The following CKS1B variants were observed in gnomAD, a reference collection of about 807,000 sequenced individuals.
CKS1B encodes cyclin-dependent kinases regulatory subunit 1.
Under a neutral mutation model 12.2 loss-of-function variants are expected in CKS1B, and 5 were observed. That is an observed-to-expected ratio of 0.41 (90% confidence interval 0.21 to 0.86). The LOEUF is 0.86. Ranked by LOEUF, CKS1B falls within the 40% of genes least tolerant of loss-of-function variation. CKS1B has a pLI of 0.32. For missense variants in CKS1B, 53 were observed against 99.9 expected (o/e 0.53, Z 2.00); for synonymous variants, 24 against 34.4 (o/e 0.70, Z 1.06).
At position 154,978,655 on chromosome 1, in the gene CKS1B, A is replaced by G. The variant is rs76873819; in HGVS notation, c.188-70A>G. The G allele has an allele frequency of 8.7e-4, 1,090 of 1,254,786 alleles. 20 individuals are homozygous for G. The East Asian group carries it at 0.024, about 27-fold the overall frequency. 77.7% of individuals were successfully genotyped at this position (1,254,786 alleles called of 1,614,324 possible). On this transcript the variant is annotated intron_variant, in intron 2 of 2. Transcript: ENST00000308987. ...AGTGGGTGATAGCTGGGGAGGTGGTAGTGGAATACACTATAGGTTGTACAT... is the reference window on the plus strand; with the variant it reads ...AGTGGGTGATAGCTGGGGAGGTGGTGGTGGAATACACTATAGGTTGTACAT...
At chr1:154,977,684 C>T (rs1232043636) in intron 1 of CKS1B, 1 of 284,686 alleles carries the variant, frequency 3.5e-6, no homozygotes, top group Non-Finnish European at 6.6e-6. Context: ...CTCCGTGGGG[C>T]TCCCATTATG....
chr1:154,978,484 G>A lies in CKS1B; in HGVS notation c.188-241G>A, dbSNP rs1200238933. 7.2e-6 allele frequency: 4 copies of A among 558,496 alleles called. No homozygotes were observed. In the Admixed American group the frequency reaches 1.0e-4, roughly 14 times the overall value. 34.6% of individuals were successfully genotyped at this position (558,496 alleles called of 1,614,324 possible). Reference sequence around the variant, plus strand: ...TAAGACACCAGACACCCAGCTGCCAGGCAAAACTAATAAGGGACACCCTGG... The same window carrying A: ...TAAGACACCAGACACCCAGCTGCCAAGCAAAACTAATAAGGGACACCCTGG... On this transcript the variant is annotated intron_variant, in intron 2 of 2. Transcript: ENST00000308987.
rs1657167354 is a variant in CKS1B, at chr1:154,975,909, A to C, written c.59+1105A>C. The C allele has an allele frequency of 1.9e-5, 3 of 154,398 alleles. No homozygotes were observed. The Admixed American group carries it at 2.0e-4, about 10-fold the overall frequency. The allele number at this position is 154,398 out of a possible 1,614,324, so 9.6% of individuals were successfully genotyped here. A position where few individuals can be genotyped will look rare whatever the true frequency, so the allele number is the denominator to read the frequency against. ...AGGGACAGAAAGAGGGGAACAACAG[A>C]CATTGGGGCCTGCTTGAGGGAGGAG... On this transcript the variant is annotated intron_variant, in intron 1 of 2. Coordinates refer to ENST00000308987, the MANE Select transcript of CKS1B (RefSeq NM_001826.3).
intron 1 of CKS1B, chr1:154,977,492 T>C (rs1017152952): frequency 9.2e-5 from 14 of 152,820 alleles, no homozygotes; most frequent in African/African-American, 3.4e-4. Flanking sequence ...ATGACCCTCC[T>C]GCCTCAGCCT....
rs559508078 is a variant in CKS1B at position 154,976,172 on chromosome 1, T to C, written c.59+1368T>C. On this transcript the variant is annotated intron_variant, in intron 1 of 2. Coordinates refer to ENST00000308987, the MANE Select transcript of CKS1B (RefSeq NM_001826.3). ...GAGATGAGACTCTAAGAAAAAGGTA[T>C]GTGGGAGGAAGCACCTCTTGACTGA... is the stretch of plus-strand genomic sequence containing the variant. Among the ~76,000 whole-genome samples the C allele has an allele frequency of 9.2e-5, 14 of 152,248 alleles. No homozygotes were observed. In the East Asian group the frequency reaches 2.1e-3, roughly 23 times the overall value.
chr1:154,978,910 A>T lies in CKS1B; in HGVS notation c.*133A>T. ...TAAAAGATGTTCAATACACTGTTTGAATGTGCTGGTAACTGCTTTGCTTCT... is the reference window on the plus strand; with the variant it reads ...TAAAAGATGTTCAATACACTGTTTGTATGTGCTGGTAACTGCTTTGCTTCT... On this transcript the variant is annotated 3_prime_UTR_variant, in exon 3 of 3. Coordinates refer to ENST00000308987, the MANE Select transcript of CKS1B (RefSeq NM_001826.3). 1 of 657,876 alleles carries T rather than the reference A, an allele frequency of 1.5e-6. No homozygotes were observed. Among genetic ancestry groups the T allele is most frequent in the Non-Finnish European group, 2.7e-6 (1 of 370,980 alleles). 40.8% of individuals were successfully genotyped at this position (657,876 alleles called of 1,614,324 possible). A position where few individuals can be genotyped will look rare whatever the true frequency, so the allele number is the denominator to read the frequency against.
chr1:154,978,192 T>C (rs750417117), intron 2 of CKS1B, 78 bp downstream of exon 2: 1 of 1,382,886 alleles, frequency 7.2e-7, no homozygotes, highest in South Asian at 1.6e-5. Context: ...ATAACCCAAA[T>C]AGGGAGATAG....
chr1:154,974,899 C>G (rs1216142454), intron 1 of CKS1B, 95 bp downstream of exon 1: 2 of 1,613,948 alleles, frequency 1.2e-6, no homozygotes, highest in Admixed American at 3.3e-5. Flanking sequence ...ATAGAATTGG[C>G]GCATGCGTAC....
rs1410289105 is a variant in CKS1B at position 154,978,902 on chromosome 1, A to G, written c.*125A>G. 1 of 679,798 alleles carries G rather than the reference A, an allele frequency of 1.5e-6. No homozygotes were observed. The highest frequency in any genetic ancestry group is 2.6e-6 in the Non-Finnish European group (1 of 386,362). 42.1% of individuals were successfully genotyped at this position (679,798 alleles called of 1,614,324 possible). The stretch of plus-strand genomic sequence containing the variant: ...TTGATATTTAAAAGATGTTCAATAC[A>G]CTGTTTGAATGTGCTGGTAACTGCT... On this transcript the variant is annotated 3_prime_UTR_variant, in exon 3 of 3. Transcript: ENST00000308987.
chr1:154,974,801 A>C lies in CKS1B; in HGVS notation c.56A>C (p.Tyr19Ser). 2 of 1,614,032 alleles carry C rather than the reference A, an allele frequency of 1.2e-6. No individual in the cohort carries two copies. Among genetic ancestry groups the C allele is most frequent in the Non-Finnish European group, 1.7e-6 (2 of 1,179,924 alleles). Residue 19 changes from tyrosine to serine, a missense_variant, in exon 1 of 3, where the codon TAT (tyrosine) becomes TCT (serine). Tyr to Ser is a moderately radical substitution (Grantham distance 144). Transcript: ENST00000308987. ...AAATACGACGACGAGGAGTTTGAGTATCGGTTAGTGCTGGCGCGGGAGCAA... is the reference window on the plus strand; with the variant it reads ...AAATACGACGACGAGGAGTTTGAGTCTCGGTTAGTGCTGGCGCGGGAGCAA... Reference protein sequence around the residue: ...SDKYDDEEFEYRHVMLPKDIA... With the variant: ...SDKYDDEEFESRHVMLPKDIA...
chr1:154,974,740 G>A lies in CKS1B; in HGVS notation c.-6G>A, dbSNP rs373278892. On this transcript the variant is annotated 5_prime_UTR_variant, in exon 1 of 3. Transcript: ENST00000308987. Reference sequence around the variant, plus strand: ...GCGGGGCTGAAGGCTAGCAAACCGAGCGATCATGTCGCACAAACAAATTTA... The same window carrying A: ...GCGGGGCTGAAGGCTAGCAAACCGAACGATCATGTCGCACAAACAAATTTA... 6.3e-7 allele frequency: 1 copy of A among 1,595,228 alleles called. No homozygotes were observed. The highest frequency in any genetic ancestry group is 8.5e-7 in the Non-Finnish European group (1 of 1,170,798).
At chr1:154,976,698 G>A (rs1657194956) in intron 1 of CKS1B, among the ~76,000 whole-genome samples, 1 of 152,212 alleles carries the variant, frequency 6.6e-6, no homozygotes, top group African/African-American at 2.4e-5. Context: ...GTGGCACTTT[G>A]GTTTAAGAGG....
Position 154,978,785 on chromosome 1 carries a change from A to C in CKS1B, c.*8A>C, listed in dbSNP as rs1341708990. On this transcript the variant is annotated 3_prime_UTR_variant, in exon 3 of 3. Coordinates refer to ENST00000308987, the MANE Select transcript of CKS1B (RefSeq NM_001826.3). The stretch of plus-strand genomic sequence containing the variant: ...AAGAAACCAAAGAAATGAAGCTGGC[A>C]AGCTACTTTTCAGCCTCAAGCTTTA... 6.4e-7 allele frequency: 1 copy of C among 1,572,186 alleles called. No individual in the cohort carries two copies. Among genetic ancestry groups the C allele is most frequent in the South Asian group, 1.1e-5 (1 of 89,940 alleles).
rs909773629 is a variant in CKS1B, at chr1:154,979,159, T to A, written c.*382T>A. ...GTTGTATGTGTGGTGACTTGCGGAT[T>A]TATGTTTCAGTGTACTGGAAACTTT... On this transcript the variant is annotated 3_prime_UTR_variant, in exon 3 of 3. Transcript: ENST00000308987. 3 of 199,766 alleles carry A rather than the reference T, an allele frequency of 1.5e-5. No homozygotes were observed. Among genetic ancestry groups the A allele is most frequent in the African/African-American group, 7.0e-5 (3 of 42,698 alleles). 12.4% of individuals were successfully genotyped at this position (199,766 alleles called of 1,614,324 possible).
chr1:154,978,388 C>T (rs1657242304), intron 2 of CKS1B: 2 of 540,608 alleles, frequency 3.7e-6, no homozygotes, highest in Non-Finnish European at 6.5e-6. Context: ...TGATCATAGC[C>T]CCTGCCTCAT....
chr1:154,977,808 T>C (rs1648660822), intron 1 of CKS1B, 179 bp from the exon 2 acceptor site: 4 of 589,864 alleles, frequency 6.8e-6, no homozygotes, highest in Non-Finnish European at 1.2e-5. Flanking sequence ...TAATATACTC[T>C]CGGAATTTAT....
chr1:154,978,701 C>T, intron 2 of CKS1B, 24 bp from the exon 3 acceptor site: 2 of 1,611,576 alleles, frequency 1.2e-6, no homozygotes, highest in South Asian at 2.2e-5. Flanking sequence ...GAGCTTGTCT[C>T]TTAGATTTCC....
chr1:154,977,825 T>C, intron 1 of CKS1B, 162 bp from the exon 2 acceptor site: 1 of 635,266 alleles, frequency 1.6e-6, no homozygotes, highest in East Asian at 2.9e-5. Flanking sequence ...TTATATAACA[T>C]AGCCTGTATT....
At position 154,974,771 on chromosome 1, in the gene CKS1B, C is replaced by G; in HGVS notation, c.26C>G (p.Ser9Trp). 1 of 1,612,544 alleles carries G rather than the reference C, an allele frequency of 6.2e-7. No homozygotes were observed. Among genetic ancestry groups the G allele is most frequent in the Non-Finnish European group, 8.5e-7 (1 of 1,179,286 alleles). Residue 9 changes from serine to tryptophan, a missense_variant, in exon 1 of 3, where the codon TCG (serine) becomes TGG (tryptophan). By Grantham distance (177) the Ser-to-Trp change is radical. Coordinates refer to ENST00000308987, the MANE Select transcript of CKS1B (RefSeq NM_001826.3). MSHKQIYY[S>W]DKYDDEEFEY... The stretch of plus-strand genomic sequence containing the variant: ...ATGTCGCACAAACAAATTTACTATT[C>G]GGACAAATACGACGACGAGGAGTTT...
Sources: allele counts gnomAD v4.1 joint callset (sites outside exome capture counted in the v4.1 genomes callset), GRCh38; gene constraint gnomAD v4.1.1; transcripts MANE v1.5; gene names NCBI Gene and HGNC (gene_info 2026-07-23, HGNC 2026-07-21).